Variants in ZNHIT6 observed in about 807,000 individuals in gnomAD.
The protein encoded by ZNHIT6 is zinc finger HIT-type containing 6, also known as box C/D snoRNA protein 1.
In ZNHIT6, 45 loss-of-function variants were observed where a neutral mutation model predicts 57.2. The ratio of observed to expected loss-of-function variants is 0.79; its 90% CI spans 0.62 to 1.01. The LOEUF is 1.01. Among genes scored for constraint, ZNHIT6 ranks in the 50% least tolerant of loss-of-function variants. The pLI is 0.00. For synonymous variants in ZNHIT6, 188 were observed against 190.0 expected (o/e 0.99, Z 0.09); for missense variants, 528 against 567.3 (o/e 0.93, Z 0.70).
In ZNHIT6 at chr1:85,686,164, T is replaced by C. The variant is rs374141892; in HGVS notation, c.1020-5260A>G. Among the ~76,000 whole-genome samples the C allele has an allele frequency of 9.2e-5, 14 of 151,946 alleles. No individual in the cohort carries two copies. The South Asian group carries it at 2.5e-3, about 27-fold the overall frequency. ...TTTTAGTAGAGACGGGGTTTCACTA[T>C]GTTAGCCAGGATGGTCTCAATCTCC... On this transcript the variant is annotated intron_variant, in intron 5 of 9. Transcript: ENST00000370574.
At chr1:85,689,202 T>C (rs1417842597) in intron 5 of ZNHIT6, among the ~76,000 whole-genome samples, 1 of 152,162 alleles carries the variant, frequency 6.6e-6, no homozygotes, top group African/African-American at 2.4e-5. Context: ...AAAGAAAATA[T>C]AACAAATTTT....
chr1:85,665,454 T>C (rs913033167), intron 8 of ZNHIT6, among the ~76,000 whole-genome samples: 3 of 152,084 alleles, frequency 2.0e-5, no homozygotes, highest in East Asian at 1.9e-4. Flanking sequence ...TGTATGTATA[T>C]GTTGTGAAAT....
At chr1:85,698,856 T>C (rs1386198373) in intron 5 of ZNHIT6, among the ~76,000 whole-genome samples, 1 of 152,044 alleles carries the variant, frequency 6.6e-6, no homozygotes, top group Non-Finnish European at 1.5e-5. Context: ...CTATGAGGGG[T>C]GAATGGAATA....
intron 8 of ZNHIT6, among the ~76,000 whole-genome samples, chr1:85,667,628 TAAA>T (rs5775862): frequency 2.8e-4 from 38 of 137,930 alleles, no homozygotes; most frequent in Non-Finnish European, 3.1e-4. Context: ...TATCATCCAT[TAAA>T]AAAAAAAAAA....
intron 4 of ZNHIT6, among the ~76,000 whole-genome samples, chr1:85,704,491 A>C (rs578248780): frequency 6.6e-6 from 1 of 152,286 alleles, no homozygotes; most frequent in East Asian, 1.9e-4. Flanking sequence ...CTGGGAAGCC[A>C]GTAATGTTCT....
intron 8 of ZNHIT6, among the ~76,000 whole-genome samples, chr1:85,658,239 C>G (rs1661119475): frequency 6.6e-6 from 1 of 151,844 alleles, no homozygotes; most frequent in Non-Finnish European, 1.5e-5. Context: ...TTTTCTTTTT[C>G]TTTTTTTGAT....
At chr1:85,660,920 A>G (rs1661204818) in intron 8 of ZNHIT6, among the ~76,000 whole-genome samples, 1 of 152,192 alleles carries the variant, frequency 6.6e-6, no homozygotes, top group Admixed American at 6.5e-5. Context: ...TTTAGTGTTT[A>G]GCCTAAAATG....
At chr1:85,696,928 T>G (rs1662388928) in intron 5 of ZNHIT6, among the ~76,000 whole-genome samples, 1 of 147,952 alleles carries the variant, frequency 6.8e-6, no homozygotes, top group Non-Finnish European at 1.5e-5. Flanking sequence ...TGGCGCAATC[T>G]CGGCTCACTG....
chr1:85,669,786 T>G (rs1317389470), intron 8 of ZNHIT6, among the ~76,000 whole-genome samples: 4 of 152,222 alleles, frequency 2.6e-5, no homozygotes, highest in Non-Finnish European at 5.9e-5. Context: ...CTTTTATGCC[T>G]TGTATTTTAA....
chr1:85,708,427 C>G lies in ZNHIT6; in HGVS notation c.-143G>C. 1 of 1,030,822 alleles carries G rather than the reference C, an allele frequency of 9.7e-7. No homozygotes were observed. The highest frequency in any genetic ancestry group is 1.4e-6 in the Non-Finnish European group (1 of 726,012). The allele number at this position is 1,030,822 out of a possible 1,614,324, so 63.9% of individuals were successfully genotyped here. ...CACAAACCCGGAATAGCCTGCTTGA[C>G]GCGACTGCTCGAATCGCCGTAAAGC... On this transcript the variant is annotated 5_prime_UTR_variant, in exon 1 of 10. Coordinates refer to ENST00000370574, the MANE Select transcript of ZNHIT6 (RefSeq NM_017953.4).
rs149206305 is a variant in ZNHIT6 at position 85,707,971 on chromosome 1, G to A, written c.314C>T (p.Pro105Leu). 24 of 1,613,936 alleles carry A rather than the reference G, an allele frequency of 1.5e-5. No homozygotes were observed. The African/African-American group carries it at 3.2e-4, about 22-fold the overall frequency. ...QWVEQEVEDR[P>L]EVKDENAGVL... is the part of the protein sequence containing the mutation. ...GCCTGCGTTCTCATCCTTCACCTCA[G>A]GCCTATCCTCCACCTCCTGTTCTAC... Residue 105 changes from proline to leucine, a missense_variant, in exon 1 of 10, where the codon CCT (proline) becomes CTT (leucine). Pro to Leu is a moderately conservative substitution (Grantham distance 98). Coordinates refer to ENST00000370574, the MANE Select transcript of ZNHIT6 (RefSeq NM_017953.4).
Position 85,707,694 on chromosome 1 carries a change from T to A in ZNHIT6, c.591A>T (p.Thr197=). The A allele has an allele frequency of 6.2e-7, 1 of 1,604,124 alleles. No individual in the cohort carries two copies. The highest frequency in any genetic ancestry group is 8.5e-7 in the Non-Finnish European group (1 of 1,175,816). Residue 197 remains threonine (T), a synonymous_variant, in exon 1 of 10, where the codon ACA becomes ACT. Coordinates refer to ENST00000370574, the MANE Select transcript of ZNHIT6 (RefSeq NM_017953.4). The part of the protein sequence containing the change: ...DFLKKEIVDD[T]KVKEEPPINH... ...TTATCGGAGGCTCTTCTTTCACCTTTGTATCATCCACGATTTCTTTCTTCA... is the reference window on the plus strand; with the variant it reads ...TTATCGGAGGCTCTTCTTTCACCTTAGTATCATCCACGATTTCTTTCTTCA...
At chr1:85,671,605 A>C (rs1179153309) in intron 8 of ZNHIT6, among the ~76,000 whole-genome samples, 2 of 152,214 alleles carry the variant, frequency 1.3e-5, no homozygotes, top group East Asian at 3.8e-4. Context: ...TTTCAGCATG[A>C]TGTTCTAGTT....
chr1:85,686,812 A>G (rs1050860665), intron 5 of ZNHIT6, among the ~76,000 whole-genome samples: 3 of 152,154 alleles, frequency 2.0e-5, no homozygotes, highest in Non-Finnish European at 4.4e-5. Flanking sequence ...CAGAGGTAGG[A>G]TGGGGGAGAG....
chr1:85,656,258 G>T (rs1212966777), intron 9 of ZNHIT6, among the ~76,000 whole-genome samples: 2 of 152,154 alleles, frequency 1.3e-5, no homozygotes, highest in Non-Finnish European at 2.9e-5. Context: ...TTAAAATCCT[G>T]TCAGATACTT....
intron 8 of ZNHIT6, among the ~76,000 whole-genome samples, chr1:85,661,023 CTAAA>C (rs1055449829): frequency 1.3e-5 from 2 of 152,098 alleles, no homozygotes; most frequent in African/African-American, 2.4e-5. Context: ...TCAGATTTCA[CTAAA>C]TAATCTTTTA....
At chr1:85,677,173 G>A in intron 8 of ZNHIT6, 63 bp downstream of exon 8, 1 of 1,241,578 alleles carries the variant, frequency 8.1e-7, no homozygotes, top group Non-Finnish European at 1.1e-6. Flanking sequence ...AGCTAATCAA[G>A]CTACTTAATT....
chr1:85,649,727 A>G lies in ZNHIT6; in HGVS notation c.*4331T>C, dbSNP rs189120820. On this transcript the variant is annotated 3_prime_UTR_variant, in exon 10 of 10. Transcript: ENST00000370574. ...TTGAAGCATTTTCCCCTAGTACTCTAATTTCAAAATCAGTATCTCTCAAAT... is the reference window on the plus strand; with the variant it reads ...TTGAAGCATTTTCCCCTAGTACTCTGATTTCAAAATCAGTATCTCTCAAAT... 1.1e-3 allele frequency: 161 copies of G among 152,294 alleles called. No homozygotes were observed. The highest frequency in any genetic ancestry group is 3.7e-3 in the African/African-American group (152 of 41,566). 9.4% of individuals were successfully genotyped at this position (152,294 alleles called of 1,614,324 possible).
At chr1:85,674,627 AT>A (rs1661652560) in intron 8 of ZNHIT6, among the ~76,000 whole-genome samples, 1 of 152,176 alleles carries the variant, frequency 6.6e-6, no homozygotes, top group Non-Finnish European at 1.5e-5. Flanking sequence ...TTTCCTTGGA[AT>A]TTACCTCTAG....
Sources: gnomAD v4.1 joint callset for allele counts (sites outside exome capture counted in the v4.1 genomes callset) on GRCh38, gnomAD v4.1.1 for gene constraint, MANE v1.5 for transcripts, NCBI Gene and HGNC (gene_info 2026-07-23, HGNC 2026-07-21) for gene names.